Variants in ENOX2 observed in about 807,000 individuals in gnomAD.
ENOX2 encodes ecto-NOX disulfide-thiol exchanger 2.
ENOX2 carries 36 observed loss-of-function variants against 45.0 expected under a neutral mutation model. The observed-to-expected ratio is 0.80, with a 90% CI of 0.61 to 1.06. ENOX2 has a LOEUF of 1.06. Ranked by LOEUF, ENOX2 falls within the 50% of genes least tolerant of loss-of-function variation. The pLI is 0.00. For missense variants in ENOX2, 423 were observed against 462.5 expected, an observed-to-expected ratio of 0.91 and a Z score of 0.78; for synonymous variants, 174 against 152.3, an observed-to-expected ratio of 1.14 and a Z score of -1.05.
At chrX:130,642,558 G>C (rs914995533) in intron 10 of ENOX2, among the ~76,000 whole-genome samples, 1 of 112,406 alleles carries the variant, frequency 8.9e-6, no homozygotes, top group African/African-American at 3.2e-5. Flanking sequence ...TGGGTAAAAT[G>C]CTATCAAACA....
At chrX:130,671,054 A>G (rs1212520218) in intron 6 of ENOX2, among the ~76,000 whole-genome samples, 1 of 111,559 alleles carries the variant, frequency 9.0e-6, no homozygotes, top group African/African-American at 3.3e-5. Context: ...CTGAGCATCA[A>G]AAGAGGTTAG....
chrX:130,852,910 C>T lies in ENOX2; in HGVS notation c.-183+48774G>A, dbSNP rs759962975. On this transcript the variant is annotated intron_variant, in intron 2 of 14. Transcript: ENST00000394363. ...CAACAAAAAAAATATATCTGAGTCTCTAGTTTCAAGACAAGACAGCATAGT... is the reference window on the plus strand; with the variant it reads ...CAACAAAAAAAATATATCTGAGTCTTTAGTTTCAAGACAAGACAGCATAGT... Among the ~76,000 whole-genome samples the T allele has an allele frequency of 2.2e-4, 25 of 111,228 alleles. No homozygotes were observed. In the South Asian group the frequency reaches 3.4e-3, roughly 15 times the overall value.
intron 2 of ENOX2, among the ~76,000 whole-genome samples, chrX:130,885,318 T>C (rs1256336652): frequency 9.0e-6 from 1 of 111,244 alleles, no homozygotes; most frequent in Non-Finnish European, 1.9e-5. Flanking sequence ...ATGTAACCTG[T>C]AAGTTTAGGC....
intron 2 of ENOX2, among the ~76,000 whole-genome samples, chrX:130,884,549 C>T (rs2078870980): frequency 9.0e-6 from 1 of 111,569 alleles, no homozygotes. Flanking sequence ...GAAAGTTTTA[C>T]CAGAGAGCTT....
At chrX:130,899,177 GA>G (rs2079106127) in intron 2 of ENOX2, among the ~76,000 whole-genome samples, 1 of 111,068 alleles carries the variant, frequency 9.0e-6, no homozygotes, top group African/African-American at 3.3e-5. Flanking sequence ...AGAAAAGAGG[GA>G]AAAAGTAGGT....
At chrX:130,717,342 G>A (rs868799237) in intron 3 of ENOX2, among the ~76,000 whole-genome samples, 1 of 112,403 alleles carries the variant, frequency 8.9e-6, no homozygotes, top group Admixed American at 9.4e-5. Context: ...CATGGTTACA[G>A]TTCAAGCACT....
At chrX:130,631,272 T>G (rs1006218799) in intron 13 of ENOX2, among the ~76,000 whole-genome samples, 196 bp downstream of exon 13, 1 of 111,254 alleles carries the variant, frequency 9.0e-6, no homozygotes, top group African/African-American at 3.3e-5. Flanking sequence ...CTACAAGGAG[T>G]GTGAGGGAGG....
At chrX:130,792,576 C>T (rs1207470383) in intron 2 of ENOX2, among the ~76,000 whole-genome samples, 2 of 111,459 alleles carry the variant, frequency 1.8e-5, no homozygotes, top group Non-Finnish European at 3.8e-5. Context: ...GGGTGGATCA[C>T]GAGGTCGGGA....
At chrX:130,667,987 G>A (rs754444017) in intron 7 of ENOX2, among the ~76,000 whole-genome samples, 107 of 109,822 alleles carry the variant, frequency 9.7e-4, no homozygotes, top group African/African-American at 3.2e-3. Flanking sequence ...AAAGAGAAAT[G>A]TTTCCTTGAA....
rs1316905520 is a variant in ENOX2 at position 130,782,316 on chromosome X, T to C, written c.-39+1231A>G. On this transcript the variant is annotated intron_variant, in intron 3 of 14. Coordinates refer to ENST00000394363, the MANE Select transcript of ENOX2 (RefSeq NM_006375.4). ...AACTGTCATAACAAATCCTAAGACA[T>C]AGGCTTTAGTATCACTTTTACTTTA... is the stretch of plus-strand genomic sequence containing the variant. Among the ~76,000 whole-genome samples, 6 of 111,830 alleles carry C rather than the reference T, an allele frequency of 5.4e-5. No individual in the cohort carries two copies. The Admixed American group carries it at 5.7e-4, about 11-fold the overall frequency.
chrX:130,874,441 G>A (rs2078655715), intron 2 of ENOX2, among the ~76,000 whole-genome samples: 1 of 112,008 alleles, frequency 8.9e-6, no homozygotes, highest in African/African-American at 3.2e-5. Flanking sequence ...GAGGGGAATG[G>A]GTCAACTATG....
chrX:130,765,765 G>A (rs987497492), intron 3 of ENOX2, among the ~76,000 whole-genome samples: 10 of 111,301 alleles, frequency 9.0e-5, no homozygotes, highest in African/African-American at 2.9e-4. Flanking sequence ...GGGGTCACAG[G>A]GTATATGTAT....
chrX:130,758,234 C>T (rs892593736), intron 3 of ENOX2, among the ~76,000 whole-genome samples: 1 of 112,171 alleles, frequency 8.9e-6, no homozygotes, highest in African/African-American at 3.2e-5. Context: ...ACAAGGATCT[C>T]TCATGTTGCC....
chrX:130,773,590 G>C (rs910699247), intron 3 of ENOX2, among the ~76,000 whole-genome samples: 2 of 111,687 alleles, frequency 1.8e-5, no homozygotes, highest in African/African-American at 6.5e-5. Context: ...CAAATATGCA[G>C]AAGAATGTGG....
intron 2 of ENOX2, among the ~76,000 whole-genome samples, chrX:130,805,312 T>C (rs1603354208): frequency 8.9e-6 from 1 of 111,907 alleles, no homozygotes; most frequent in South Asian, 3.8e-4. Flanking sequence ...GAAAAAGGGT[T>C]ACCAAGTCCG....
intron 2 of ENOX2, among the ~76,000 whole-genome samples, chrX:130,833,055 A>C (rs184790434): frequency 5.7e-5 from 6 of 105,561 alleles, no homozygotes; most frequent in Admixed American, 5.1e-4. Context: ...ACACACACAC[A>C]AACAGCACTG....
At chrX:130,777,051 T>C (rs930521158) in intron 3 of ENOX2, among the ~76,000 whole-genome samples, 1 of 111,925 alleles carries the variant, frequency 8.9e-6, no homozygotes, top group Admixed American at 9.5e-5. Context: ...AGATACACTT[T>C]CACAGTAAAA....
chrX:130,679,940 G>A (rs770646862), intron 5 of ENOX2, among the ~76,000 whole-genome samples, 192 bp from the exon 6 acceptor site: 51 of 111,585 alleles, frequency 4.6e-4, no homozygotes, highest in Non-Finnish European at 1.3e-4. Context: ...TTATTCAATC[G>A]TTTGCTGACC....
chrX:130,819,655 A>G (rs1051776499), intron 2 of ENOX2, among the ~76,000 whole-genome samples: 1 of 111,517 alleles, frequency 9.0e-6, no homozygotes, highest in African/African-American at 3.3e-5. Context: ...GTTCTCACTC[A>G]TAAGTGGGAG....
Sources: gnomAD v4.1 joint callset for allele counts (sites outside exome capture counted in the v4.1 genomes callset) on GRCh38, gnomAD v4.1.1 for gene constraint, MANE v1.5 for transcripts, NCBI Gene and HGNC (gene_info 2026-07-23, HGNC 2026-07-21) for gene names.